Variants in WASF1 observed in about 807,000 individuals in gnomAD.
The protein encoded by WASF1 is WASP family member 1, also known as actin-binding protein WASF1.
Under a neutral mutation model 50.5 loss-of-function variants are expected in WASF1, and 7 were observed. That is an observed-to-expected ratio of 0.14 (90% confidence interval 0.08 to 0.26). WASF1 has a LOEUF of 0.26. Ranked by LOEUF, WASF1 falls within the 10% of genes least tolerant of loss-of-function variation. WASF1 has a pLI of 1.00. For synonymous variants in WASF1, 205 were observed against 244.0 expected, an observed-to-expected ratio of 0.84 and a Z score of 1.49; for missense variants, 470 against 694.7, an observed-to-expected ratio of 0.68 and a Z score of 3.64.
intron 3 of WASF1, among the ~76,000 whole-genome samples, chr6:110,133,268 T>C (rs1173863400): frequency 1.3e-5 from 2 of 152,316 alleles, no homozygotes; most frequent in African/African-American, 2.4e-5. Flanking sequence ...TATACATCCA[T>C]ATTTTTGCAA....
chr6:110,134,479 C>T (rs766557881), intron 3 of WASF1, among the ~76,000 whole-genome samples: 3 of 150,588 alleles, frequency 2.0e-5, no homozygotes, highest in African/African-American at 2.5e-5. Flanking sequence ...GACTGGAGTG[C>T]GGTGGCACGA....
intron 3 of WASF1, among the ~76,000 whole-genome samples, chr6:110,148,252 T>C (rs752718731): frequency 1.3e-5 from 2 of 152,172 alleles, no homozygotes; most frequent in Non-Finnish European, 2.9e-5. Context: ...TTCATTCATC[T>C]AACCAACCAT....
rs770972880 is a variant in WASF1, at chr6:110,107,201, T to G, written c.423-7A>C. On this transcript the variant is annotated splice_region_variant and splice_polypyrimidine_tract_variant and intron_variant, in intron 6 of 10. Coordinates refer to ENST00000392589, the MANE Select transcript of WASF1 (RefSeq NM_003931.3). The stretch of plus-strand genomic sequence containing the variant: ...ACCTTCTTTACCATCATCTCTGAAA[T>G]ATAAAATATCAATTAAAACACACAT... 6.5e-7 allele frequency: 1 copy of G among 1,535,678 alleles called. No individual in the cohort carries two copies. Among genetic ancestry groups the G allele is most frequent in the Admixed American group, 2.0e-5 (1 of 50,034 alleles).
intron 3 of WASF1, among the ~76,000 whole-genome samples, chr6:110,158,529 T>TGCCTCTA (rs1776121928): frequency 7.6e-6 from 1 of 130,998 alleles, no homozygotes; most frequent in African/African-American, 3.3e-5. Flanking sequence ...ATTGATTTTT[T>TGCCTCTA]GAAGAGGATC....
At chr6:110,175,038 G>A (rs1776866623) in intron 2 of WASF1, among the ~76,000 whole-genome samples, 1 of 152,052 alleles carries the variant, frequency 6.6e-6, no homozygotes, top group Non-Finnish European at 1.5e-5. Flanking sequence ...TTCTCAATCT[G>A]CCTTCAGCTC....
Position 110,170,380 on chromosome 6 carries a change from A to G in WASF1, c.-127+8218T>C, listed in dbSNP as rs115493645. The stretch of plus-strand genomic sequence containing the variant: ...TGGGACTACAGGTGCATGTGACCAC[A>G]CCTGGCTAATTTCTGTATTTTTTTG... On this transcript the variant is annotated intron_variant, in intron 2 of 10. Coordinates refer to ENST00000392589, the MANE Select transcript of WASF1 (RefSeq NM_003931.3). Among the ~76,000 whole-genome samples, 676 of 152,042 alleles carry G rather than the reference A, an allele frequency of 4.4e-3. 3 individuals are homozygous for G. Among genetic ancestry groups the G allele is most frequent in the African/African-American group, 0.015 (635 of 41,478 alleles).
In WASF1 at chr6:110,160,650, G is replaced by C. The variant is rs1478659784; in HGVS notation, c.-44C>G. 1 of 151,794 alleles carries C rather than the reference G, an allele frequency of 6.6e-6. No homozygotes were observed. The highest frequency in any genetic ancestry group is 2.1e-4 in the South Asian group (1 of 4,828). The allele number at this position is 151,794 out of a possible 1,614,324, so 9.4% of individuals were successfully genotyped here. ...TTAATTTTACCTTGAAGATTTTAAC[G>C]ATTTTGCAGCCATAGCTTCCACTGC... On this transcript the variant is annotated 5_prime_UTR_variant, in exon 3 of 11. In the 5' UTR this introduces an upstream ATG that the reference lacks. Coordinates refer to ENST00000392589, the MANE Select transcript of WASF1 (RefSeq NM_003931.3).
intron 2 of WASF1, among the ~76,000 whole-genome samples, chr6:110,175,422 G>A (rs952123764): frequency 6.6e-6 from 1 of 152,040 alleles, no homozygotes; most frequent in Admixed American, 6.6e-5. Context: ...GAACAGGCAC[G>A]TGTGAAAGGA....
intron 3 of WASF1, among the ~76,000 whole-genome samples, chr6:110,150,616 G>C (rs935368451): frequency 3.9e-5 from 6 of 152,166 alleles, no homozygotes; most frequent in African/African-American, 1.4e-4. Context: ...TTGAGAATAA[G>C]AGAGGAAAAA....
intron 3 of WASF1, among the ~76,000 whole-genome samples, chr6:110,146,649 T>C (rs891838655): frequency 2.6e-5 from 4 of 152,090 alleles, no homozygotes; most frequent in Non-Finnish European, 4.4e-5. Context: ...TTTAGAAGTG[T>C]ATCAGAAACA....
At chr6:110,136,520 T>A (rs1774975127) in intron 3 of WASF1, among the ~76,000 whole-genome samples, 1 of 152,224 alleles carries the variant, frequency 6.6e-6, no homozygotes, top group Non-Finnish European at 1.5e-5. Flanking sequence ...ATACAGTTGT[T>A]AAATTCTCCA....
intron 10 of WASF1, 21 bp downstream of exon 10, chr6:110,101,567 T>C (rs200085116): frequency 6.3e-6 from 10 of 1,589,238 alleles, no homozygotes; most frequent in Non-Finnish European, 8.6e-6. Flanking sequence ...GCAATGCTTT[T>C]CATGGAGCTG....
chr6:110,169,012 A>G (rs772272381), intron 2 of WASF1, among the ~76,000 whole-genome samples: 5 of 152,090 alleles, frequency 3.3e-5, no homozygotes, highest in Non-Finnish European at 7.4e-5. Context: ...GTCCCAACAG[A>G]ACAGTCATAT....
chr6:110,105,719 G>A (rs2114457098), intron 7 of WASF1, 140 bp from the exon 8 acceptor site: 1 of 829,104 alleles, frequency 1.2e-6, no homozygotes, highest in South Asian at 1.9e-5. Context: ...ACACAGAAAT[G>A]GTTTACTTGT....
At chr6:110,140,628 T>C (rs956164898) in intron 3 of WASF1, among the ~76,000 whole-genome samples, 2 of 152,146 alleles carry the variant, frequency 1.3e-5, no homozygotes, top group Admixed American at 6.5e-5. Flanking sequence ...GAAGAATTAA[T>C]TGCTTGCTTG....
In WASF1 at chr6:110,101,897, G is replaced by T; in HGVS notation, c.1213C>A (p.Pro405Thr). ...TGAACTGGTACAGTCTCACATACTG[G>T]GGCAGCTCTAGCTACTGGTGGAGAG... The part of the protein sequence containing the change: ...QPSPPVARAA[P>T]VCETVPVHPL... The change falls in exon 10 of 11, where the codon CCA becomes ACA. Residue 405 changes from proline (P) to threonine (T), a missense_variant. Coordinates refer to ENST00000392589, the MANE Select transcript of WASF1 (RefSeq NM_003931.3). 1 of 1,613,364 alleles carries T rather than the reference G, an allele frequency of 6.2e-7. No homozygotes were observed. Among genetic ancestry groups the T allele is most frequent in the Admixed American group, 1.7e-5 (1 of 59,974 alleles).
At position 110,100,501 on chromosome 6, in the gene WASF1, A is replaced by C; in HGVS notation, c.*21T>G. On this transcript the variant is annotated 3_prime_UTR_variant, in exon 11 of 11. Coordinates refer to ENST00000392589, the MANE Select transcript of WASF1 (RefSeq NM_003931.3). ...AAGGACATTTGCATTCAGTTTTGTA[A>C]TATTTATCAATGCATTTTTCTTACT... 1 of 1,591,860 alleles carries C rather than the reference A, an allele frequency of 6.3e-7. No individual in the cohort carries two copies.
chr6:110,159,788 T>C (rs760015827), intron 3 of WASF1, among the ~76,000 whole-genome samples: 2 of 151,932 alleles, frequency 1.3e-5, no homozygotes, highest in Non-Finnish European at 2.9e-5. Flanking sequence ...GGTAACTTTA[T>C]GTAACACTTT....
chr6:110,141,753 C>G (rs573797149), intron 3 of WASF1, among the ~76,000 whole-genome samples: 3 of 151,890 alleles, frequency 2.0e-5, no homozygotes, highest in South Asian at 4.2e-4. Flanking sequence ...TGCGGGAAGA[C>G]AGACACACAT....
Sources: gnomAD v4.1 joint callset for allele counts (sites outside exome capture counted in the v4.1 genomes callset) on GRCh38, gnomAD v4.1.1 for gene constraint, MANE v1.5 for transcripts, NCBI Gene and HGNC (gene_info 2026-07-23, HGNC 2026-07-21) for gene names.